TAF4B: variants seen among roughly 807,000 people sequenced by gnomAD.
TAF4B encodes transcription initiation factor TFIID subunit 4B.
TAF4B carries 38 observed loss-of-function variants against 86.4 expected under a neutral mutation model. That is an observed-to-expected ratio of 0.44 (90% CI 0.34 to 0.58). TAF4B has a LOEUF of 0.58. Among genes scored for constraint, TAF4B ranks in the 20% least tolerant of loss-of-function variants. The pLI is 0.02. For synonymous variants in TAF4B, 388 were observed against 391.2 expected, an observed-to-expected ratio of 0.99 and a Z score of 0.10; for missense variants, 988 against 1,027.6, an observed-to-expected ratio of 0.96 and a Z score of 0.53.
At chr18:26,357,012 G>A (rs2057293648) in intron 13 of TAF4B, among the ~76,000 whole-genome samples, 1 of 152,066 alleles carries the variant, frequency 6.6e-6, no homozygotes, top group African/African-American at 2.4e-5. Flanking sequence ...ATTTTGCCAT[G>A]AATATTATAG....
chr18:26,346,614 C>T (rs1237115196), intron 13 of TAF4B, among the ~76,000 whole-genome samples: 1 of 149,826 alleles, frequency 6.7e-6, no homozygotes, highest in Non-Finnish European at 1.5e-5. Context: ...TGTCAATTCA[C>T]AAATAAAGGT....
chr18:26,251,734 A>G (rs2056009541), intron 1 of TAF4B, among the ~76,000 whole-genome samples: 1 of 152,226 alleles, frequency 6.6e-6, no homozygotes, highest in Non-Finnish European at 1.5e-5. Flanking sequence ...TTCAGAGAAG[A>G]GACTAACATT....
At chr18:26,375,394 G>A (rs976919464) in intron 14 of TAF4B, among the ~76,000 whole-genome samples, 1 of 152,086 alleles carries the variant, frequency 6.6e-6, no homozygotes, top group African/African-American at 2.4e-5. Context: ...TTCTTAGGTG[G>A]TCATGTATTT....
chr18:26,322,799 T>C (rs963552309), intron 11 of TAF4B, among the ~76,000 whole-genome samples: 16 of 151,712 alleles, frequency 1.1e-4, no homozygotes, highest in African/African-American at 3.6e-4. Flanking sequence ...TTGCTCTTCT[T>C]TTTTTTTAGT....
intron 13 of TAF4B, among the ~76,000 whole-genome samples, chr18:26,335,489 A>G (rs1489442837): frequency 6.6e-6 from 1 of 152,170 alleles, no homozygotes; most frequent in African/African-American, 2.4e-5. Flanking sequence ...TACTTGGAGG[A>G]ATATAATGTG....
intron 1 of TAF4B, among the ~76,000 whole-genome samples, chr18:26,250,314 G>A (rs997261635): frequency 4.6e-5 from 7 of 151,982 alleles, no homozygotes; most frequent in African/African-American, 1.2e-4. Flanking sequence ...TGGCTAACAC[G>A]GTGAAACCCT....
At chr18:26,371,980 G>A (rs2057408804) in intron 14 of TAF4B, among the ~76,000 whole-genome samples, 1 of 152,104 alleles carries the variant, frequency 6.6e-6, no homozygotes, top group Admixed American at 6.5e-5. Flanking sequence ...AGACACTGGG[G>A]CTCAATGTAT....
chr18:26,241,080 A>C (rs1373433524), intron 1 of TAF4B, among the ~76,000 whole-genome samples: 1 of 152,196 alleles, frequency 6.6e-6, no homozygotes, highest in Non-Finnish European at 1.5e-5. Flanking sequence ...CTTTGGTATC[A>C]GGATGGTATT....
chr18:26,311,575 C>T (rs1052660751), intron 9 of TAF4B, among the ~76,000 whole-genome samples: 2 of 152,074 alleles, frequency 1.3e-5, no homozygotes, highest in African/African-American at 4.8e-5. Flanking sequence ...GAGCCGAGAC[C>T]TTGCCACTGC....
chr18:26,268,557 G>C (rs558781382), intron 3 of TAF4B, among the ~76,000 whole-genome samples: 1 of 152,248 alleles, frequency 6.6e-6, no homozygotes, highest in East Asian at 1.9e-4. Context: ...TTGAGGTCAG[G>C]GTTGCTACGG....
intron 13 of TAF4B, among the ~76,000 whole-genome samples, chr18:26,352,768 CT>C (rs2057255823): frequency 6.6e-6 from 1 of 152,132 alleles, no homozygotes. Flanking sequence ...CGCCACACCC[CT>C]CTCTCCAAAA....
intron 12 of TAF4B, 149 bp downstream of exon 12, chr18:26,327,289 G>A (rs1381481366): frequency 3.3e-5 from 32 of 969,056 alleles, no homozygotes; most frequent in Non-Finnish European, 4.5e-5. Context: ...ATGTCTCACA[G>A]CCAGGATGGT....
intron 1 of TAF4B, among the ~76,000 whole-genome samples, chr18:26,247,935 G>T (rs2055950794): frequency 6.8e-6 from 1 of 148,138 alleles, no homozygotes; most frequent in Non-Finnish European, 1.5e-5. Context: ...GAATGCATTA[G>T]TACAATCAGG....
chr18:26,369,578 A>T (rs1165467884), intron 14 of TAF4B, among the ~76,000 whole-genome samples: 1 of 152,218 alleles, frequency 6.6e-6, no homozygotes, highest in Non-Finnish European at 1.5e-5. Context: ...TTAGAAGATC[A>T]GGGTGAGGAC....
chr18:26,366,425 T>A (rs1430011257), intron 14 of TAF4B: 1 of 152,152 alleles, frequency 6.6e-6, no homozygotes. Flanking sequence ...TCTTTAAGTT[T>A]CTCTAAAATG....
At chr18:26,295,210 C>A (rs186039031) in intron 9 of TAF4B, 4 of 412,070 alleles carry the variant, frequency 9.7e-6, no homozygotes, top group Non-Finnish European at 1.9e-5. Context: ...CTTTTATATG[C>A]GTATATTAAA....
At chr18:26,237,803 G>C (rs1357855383) in intron 1 of TAF4B, among the ~76,000 whole-genome samples, 1 of 152,038 alleles carries the variant, frequency 6.6e-6, no homozygotes, top group Non-Finnish European at 1.5e-5. Context: ...GAGAATACTG[G>C]GGCCAGGCCA....
chr18:26,277,143 C>T (rs767755644), intron 5 of TAF4B, among the ~76,000 whole-genome samples: 8 of 152,016 alleles, frequency 5.3e-5, no homozygotes, highest in East Asian at 3.9e-4. Context: ...AGTGCAGTGG[C>T]GTGAACAAGG....
In TAF4B at chr18:26,325,012, G is replaced by A. The variant is rs746276387; in HGVS notation, c.2134-2003G>A. Among the ~76,000 whole-genome samples the A allele has an allele frequency of 4.6e-5, 7 of 152,228 alleles. 1 individual carries two copies. The highest frequency in any genetic ancestry group is 1.7e-4 in the African/African-American group (7 of 41,552). On this transcript the variant is annotated intron_variant, in intron 11 of 14. Coordinates refer to ENST00000269142, the MANE Select transcript of TAF4B (RefSeq NM_005640.3). ...AAAGTGAGTTACTCTTTTTAAAAAAGTGAAATCCCCCCATCTCTTTCCACT... is the reference window on the plus strand; with the variant it reads ...AAAGTGAGTTACTCTTTTTAAAAAAATGAAATCCCCCCATCTCTTTCCACT...
Sources: gnomAD v4.1 joint callset for allele counts (sites outside exome capture counted in the v4.1 genomes callset) on GRCh38, gnomAD v4.1.1 for gene constraint, MANE v1.5 for transcripts, NCBI Gene and HGNC (gene_info 2026-07-23, HGNC 2026-07-21) for gene names.